Variants in SPSB1 observed in about 807,000 individuals in gnomAD.
SPSB1 encodes splA/ryanodine receptor domain and SOCS box containing 1, also known as SPRY domain-containing SOCS box protein 1.
A neutral mutation model predicts 21.2 loss-of-function variants in SPSB1; 8 were observed. The observed-to-expected ratio is 0.38, with a 90% CI of 0.22 to 0.68. The LOEUF is 0.68. Among genes scored for constraint, SPSB1 ranks in the 30% least tolerant of loss-of-function variants. The pLI is 0.53. For synonymous variants in SPSB1, 169 were observed against 161.7 expected, an observed-to-expected ratio of 1.05 and a Z score of -0.34; for missense variants, 242 against 377.8, an observed-to-expected ratio of 0.64 and a Z score of 2.98.
Position 9,367,429 on chromosome 1 carries a change from A to G in SPSB1, c.695-19A>G. ...ACCCACCCAAGCTGCGCTGACCTGC[A>G]GTTTCTCTGTCTCCCCAGCCGAGCC... On this transcript the variant is annotated intron_variant, in intron 2 of 2. Transcript: ENST00000328089. This position sits in a 1 kb window ranked among gnomAD's most constrained non-coding sequence, Gnocchi z 5.9. 4 of 1,613,164 alleles carry G rather than the reference A, an allele frequency of 2.5e-6. No individual in the cohort carries two copies. Among genetic ancestry groups the G allele is most frequent in the Non-Finnish European group, 3.4e-6 (4 of 1,179,946 alleles).
chr1:9,340,065 C>T (rs1426243839), intron 1 of SPSB1, among the ~76,000 whole-genome samples: 2 of 152,308 alleles, frequency 1.3e-5, no homozygotes, highest in South Asian at 2.1e-4. Flanking sequence ...GGGCAGTAGC[C>T]CGAGACTCTG....
chr1:9,311,639 C>G lies in SPSB1; in HGVS notation c.-150+18568C>G, dbSNP rs562519960. 1.9e-3 allele frequency among the ~76,000 whole-genome samples: 284 copies of G among 152,224 alleles called. 2 individuals carry two copies. The highest frequency in any genetic ancestry group is 6.5e-3 in the African/African-American group (269 of 41,540). On this transcript the variant is annotated intron_variant, in intron 1 of 2. Coordinates refer to ENST00000328089, the MANE Select transcript of SPSB1 (RefSeq NM_025106.4). Reference sequence around the variant, plus strand: ...GGCTTTTTTTTATGGGGCAGGGGAGCATTCTGTAGAAGATTTAACTCCCGC... The same window carrying G: ...GGCTTTTTTTTATGGGGCAGGGGAGGATTCTGTAGAAGATTTAACTCCCGC...
intron 1 of SPSB1, 88 bp from the exon 2 acceptor site, chr1:9,355,655 T>C: frequency 7.9e-7 from 1 of 1,260,974 alleles, no homozygotes. Flanking sequence ...TGCTGGGACA[T>C]GCTGATGTGG....
At chr1:9,302,525 C>G (rs1033649728) in intron 1 of SPSB1, among the ~76,000 whole-genome samples, 2 of 152,178 alleles carry the variant, frequency 1.3e-5, no homozygotes, top group Non-Finnish European at 2.9e-5. Context: ...AATCCTGGCT[C>G]TCTGTCCCGG....
chr1:9,343,693 C>A (rs1305758520), intron 1 of SPSB1, among the ~76,000 whole-genome samples: 2 of 152,220 alleles, frequency 1.3e-5, no homozygotes, highest in African/African-American at 4.8e-5. Flanking sequence ...GTTTTAGTCT[C>A]ACGGCAGATG....
At chr1:9,355,157 C>T (rs569921510) in intron 1 of SPSB1, among the ~76,000 whole-genome samples, 9 of 152,342 alleles carry the variant, frequency 5.9e-5, no homozygotes, top group South Asian at 2.1e-4. Flanking sequence ...TCGTGCCAAG[C>T]GCACACAGAC....
In SPSB1 at chr1:9,346,576, G is replaced by T. The variant is rs1640168900; in HGVS notation, c.-149-9167G>T. On this transcript the variant is annotated intron_variant, in intron 1 of 2. Coordinates refer to ENST00000328089, the MANE Select transcript of SPSB1 (RefSeq NM_025106.4). The surrounding 1 kb of genome is among the most constrained non-coding windows in gnomAD (Gnocchi z 4.4). ...ACAATTGATCTGAAAGCATTTTGGG[G>T]GAAGGTGGGGTCTGCAGGGTTGTGG... Among the ~76,000 whole-genome samples the T allele has an allele frequency of 6.6e-6, 1 of 152,228 alleles. No homozygotes were observed. Among genetic ancestry groups the T allele is most frequent in the African/African-American group, 2.4e-5 (1 of 41,458 alleles).
Position 9,292,920 on chromosome 1 carries a change from G to A in SPSB1, c.-301G>A. Reference sequence around the variant, plus strand: ...CACAGAAGTCGCGCTCGGGCAGCCTGCGCGCTCGCAGCAGGAACCAGGCTC... The same window carrying A: ...CACAGAAGTCGCGCTCGGGCAGCCTACGCGCTCGCAGCAGGAACCAGGCTC... On this transcript the variant is annotated 5_prime_UTR_variant, in exon 1 of 3. Coordinates refer to ENST00000328089, the MANE Select transcript of SPSB1 (RefSeq NM_025106.4). 3.1e-6 allele frequency: 3 copies of A among 976,726 alleles called. No individual in the cohort carries two copies. The highest frequency in any genetic ancestry group is 3.6e-6 in the Non-Finnish European group (3 of 827,330). The allele number at this position is 976,726 out of a possible 1,614,324, so 60.5% of individuals were successfully genotyped here. A position where few individuals can be genotyped will look rare whatever the true frequency, so the allele number is the denominator to read the frequency against.
In SPSB1 at chr1:9,305,986, A is replaced by G. The variant is rs1373521769; in HGVS notation, c.-150+12915A>G. ...CCACAGACCTGGGGACATTTGTGCAATTGCGAGTAACGTGGGAGAGGGGTT... is the reference window on the plus strand; with the variant it reads ...CCACAGACCTGGGGACATTTGTGCAGTTGCGAGTAACGTGGGAGAGGGGTT... On this transcript the variant is annotated intron_variant, in intron 1 of 2. Transcript: ENST00000328089. The surrounding 1 kb of genome is among the most constrained non-coding windows in gnomAD (Gnocchi z 4.8). 1.3e-5 allele frequency among the ~76,000 whole-genome samples: 2 copies of G among 152,274 alleles called. No individual in the cohort carries two copies. Among genetic ancestry groups the G allele is most frequent in the Non-Finnish European group, 1.5e-5 (1 of 68,010 alleles).
At chr1:9,360,216 G>A (rs1400110026) in intron 2 of SPSB1, among the ~76,000 whole-genome samples, 4 of 152,076 alleles carry the variant, frequency 2.6e-5, no homozygotes, top group African/African-American at 7.2e-5. Flanking sequence ...GAGGGTGGGG[G>A]CTGAAGGGAC....
Position 9,300,394 on chromosome 1 carries a change from T to C in SPSB1, c.-150+7323T>C, listed in dbSNP as rs551658883. On this transcript the variant is annotated intron_variant, in intron 1 of 2. Coordinates refer to ENST00000328089, the MANE Select transcript of SPSB1 (RefSeq NM_025106.4). ...GGTCCAGGTTGCTGTGCAACCTGCT[T>C]TGCCACTTGGGCCACCAGCAGATCC... is the stretch of plus-strand genomic sequence containing the variant. Among the ~76,000 whole-genome samples, 227 of 152,310 alleles carry C rather than the reference T, an allele frequency of 1.5e-3. 1 individual carries two copies. The highest frequency in any genetic ancestry group is 4.9e-3 in the African/African-American group (204 of 41,568).
intron 1 of SPSB1, among the ~76,000 whole-genome samples, chr1:9,307,478 A>G (rs1056050883): frequency 1.3e-5 from 2 of 152,214 alleles, no homozygotes; most frequent in East Asian, 3.9e-4. Context: ...GTTCATATAA[A>G]TGGAACCATA....
rs1020535659 is a variant in SPSB1, at chr1:9,346,437, G to A, written c.-149-9306G>A. Among the ~76,000 whole-genome samples, 24 of 152,148 alleles carry A rather than the reference G, an allele frequency of 1.6e-4. 1 individual carries two copies. Among genetic ancestry groups the A allele is most frequent in the South Asian group, 6.2e-4 (3 of 4,830 alleles). ...CTTTACCTGCCCTTTCTGTCTGTCT[G>A]TCCCCAGTCGCTTTGGCTACATCCC... is the stretch of plus-strand genomic sequence containing the variant. On this transcript the variant is annotated intron_variant, in intron 1 of 2. Coordinates refer to ENST00000328089, the MANE Select transcript of SPSB1 (RefSeq NM_025106.4). This position sits in a 1 kb window ranked among gnomAD's most constrained non-coding sequence, Gnocchi z 4.4.
chr1:9,322,238 G>A (rs1005500571), intron 1 of SPSB1, among the ~76,000 whole-genome samples: 5 of 152,072 alleles, frequency 3.3e-5, no homozygotes, highest in African/African-American at 4.8e-5. Context: ...TACCAGCATC[G>A]TCTCCTCTAA....
At chr1:9,349,708 G>A (rs571887949) in intron 1 of SPSB1, among the ~76,000 whole-genome samples, 18 of 152,346 alleles carry the variant, frequency 1.2e-4, no homozygotes, top group African/African-American at 3.6e-4. Context: ...GCTGTCTTCC[G>A]TGACTCACGG....
In SPSB1 at chr1:9,346,991, A is replaced by T. The variant is rs1412635261; in HGVS notation, c.-149-8752A>T. On this transcript the variant is annotated intron_variant, in intron 1 of 2. Coordinates refer to ENST00000328089, the MANE Select transcript of SPSB1 (RefSeq NM_025106.4). The surrounding 1 kb of genome is among the most constrained non-coding windows in gnomAD (Gnocchi z 4.4). ...ATGTCCCTCTTCGGGATGGCCCCAA[A>T]GCTTCCCCAGGATTCTCATCCTTTA... 1.3e-5 allele frequency among the ~76,000 whole-genome samples: 2 copies of T among 152,236 alleles called. No homozygotes were observed. The highest frequency in any genetic ancestry group is 2.9e-5 in the Non-Finnish European group (2 of 68,042).
chr1:9,363,678 A>T lies in SPSB1; in HGVS notation c.695-3770A>T, dbSNP rs979194724. On this transcript the variant is annotated intron_variant, in intron 2 of 2. Coordinates refer to ENST00000328089, the MANE Select transcript of SPSB1 (RefSeq NM_025106.4). This position sits in a 1 kb window ranked among gnomAD's most constrained non-coding sequence, Gnocchi z 4.5. ...AGGCACTGGATGGAGCTGGGGGCTC[A>T]TGTGGGCCTCTGCAGTTTTAGAAAA... Among the ~76,000 whole-genome samples the T allele has an allele frequency of 1.3e-5, 2 of 151,826 alleles. No homozygotes were observed. The highest frequency in any genetic ancestry group is 2.9e-5 in the Non-Finnish European group (2 of 67,976).
intron 1 of SPSB1, chr1:9,339,325 G>T: frequency 1.0e-6 from 1 of 983,722 alleles, no homozygotes; most frequent in Non-Finnish European, 1.2e-6. Flanking sequence ...GGTGGTCTCG[G>T]GTGGGGCGTG....
intron 1 of SPSB1, chr1:9,294,511 G>A (rs933528866): frequency 2.6e-5 from 4 of 152,250 alleles, no homozygotes; most frequent in Non-Finnish European, 4.4e-5. Context: ...GTGCCCCCGA[G>A]GAGAGCGCAG....
Sources: allele counts gnomAD v4.1 joint callset (sites outside exome capture counted in the v4.1 genomes callset), GRCh38; gene constraint gnomAD v4.1.1; non-coding constraint Gnocchi (gnomAD v3.1); transcripts MANE v1.5; gene names NCBI Gene and HGNC (gene_info 2026-07-23, HGNC 2026-07-21).